The following DOT1L variants were observed in gnomAD, a reference collection of about 807,000 sequenced individuals.
The protein encoded by DOT1L is DOT1 like histone lysine methyltransferase.
DOT1L carries 33 observed loss-of-function variants against 153.3 expected under a neutral mutation model. The ratio of observed to expected loss-of-function variants is 0.22; its 90% CI spans 0.16 to 0.29. The LOEUF (loss-of-function observed/expected upper bound fraction) is 0.29, where lower values mean the gene tolerates loss of function less well. Among genes scored for constraint, DOT1L ranks in the 10% least tolerant of loss-of-function variants. The pLI is 1.00. For missense variants in DOT1L, 1,847 were observed against 2,119.9 expected (o/e 0.87, Z 2.53); for synonymous variants, 1,135 against 965.1 (o/e 1.18, Z -3.26).
At position 2,217,133 on chromosome 19, in the gene DOT1L, G is replaced by A. The variant is rs1234689869; in HGVS notation, c.2544+43G>A. On this transcript the variant is annotated intron_variant, in intron 21 of 27. Transcript: ENST00000398665. The surrounding 1 kb of genome is among the most constrained non-coding windows in gnomAD (Gnocchi z 7.3). ...TGCCCCGGGCTCAGGGAGGTGCTCA[G>A]CAGAGGCGGCCTGAGCGAGTTGCTA... 6.5e-7 allele frequency: 1 copy of A among 1,534,734 alleles called. No individual in the cohort carries two copies.
chr19:2,196,870 C>T (rs1284459328), intron 7 of DOT1L, among the ~76,000 whole-genome samples: 1 of 152,186 alleles, frequency 6.6e-6, no homozygotes, highest in East Asian at 1.9e-4. Context: ...CGTGTGGATG[C>T]TCTCCCTCGG....
At position 2,213,921 on chromosome 19, in the gene DOT1L, C is replaced by T. The variant is rs763254970; in HGVS notation, c.1732C>T (p.Leu578=). ...GGAGATCTCCGCCCATAACCAGCAGCTGCGGGAGCAGTCGGAGCAGCTGGA... is the reference window on the plus strand; with the variant it reads ...GGAGATCTCCGCCCATAACCAGCAGTTGCGGGAGCAGTCGGAGCAGCTGGA... ...QKEISAHNQQ[L]REQSEQLEQD... The change falls in exon 18 of 28, where the codon CTG becomes TTG. Residue 578 remains leucine (L), a synonymous_variant. Transcript: ENST00000398665. 2 of 1,613,102 alleles carry T rather than the reference C, an allele frequency of 1.2e-6. No individual in the cohort carries two copies. The highest frequency in any genetic ancestry group is 1.7e-6 in the Non-Finnish European group (2 of 1,180,040).
In DOT1L at chr19:2,204,735, A is replaced by G. The variant is rs1478167237; in HGVS notation, c.787+1956A>G. On this transcript the variant is annotated intron_variant, in intron 9 of 27. Transcript: ENST00000398665. The surrounding 1 kb of genome is among the most constrained non-coding windows in gnomAD (Gnocchi z 5.7). The stretch of plus-strand genomic sequence containing the variant: ...GGCCTTGATGGTCCCAGACATGCCC[A>G]TGAGCATTTGTTAGCCTGGCTCTGC... Among the ~76,000 whole-genome samples, 1 of 152,178 alleles carries G rather than the reference A, an allele frequency of 6.6e-6. No individual in the cohort carries two copies. Among genetic ancestry groups the G allele is most frequent in the East Asian group, 1.9e-4 (1 of 5,188 alleles).
At chr19:2,226,064 T>C in intron 26 of DOT1L, 119 bp from the exon 27 acceptor site, 1 of 1,132,400 alleles carries the variant, frequency 8.8e-7, no homozygotes, top group Non-Finnish European at 1.2e-6. Context: ...GCATCTTGAG[T>C]GTCTGTGACC....
rs781027157 is a variant in DOT1L, at chr19:2,191,250, G to A, written c.493+10G>A. The A allele has an allele frequency of 1.2e-5, 20 of 1,609,770 alleles. No individual in the cohort carries two copies. The highest frequency in any genetic ancestry group is 1.2e-4 in the African/African-American group (9 of 74,856). ...GTGGACTTGGGGAGCGGTGAGTGTC[G>A]CCCGCCATGCCCGGCTCCTGTGCAC... On this transcript the variant is annotated intron_variant, in intron 5 of 27. Transcript: ENST00000398665. The surrounding 1 kb of genome is among the most constrained non-coding windows in gnomAD (Gnocchi z 6.8).
Position 2,217,866 on chromosome 19 carries a change from C to T in DOT1L, c.2639C>T (p.Pro880Leu), listed in dbSNP as rs1464303651. The T allele has an allele frequency of 5.0e-6, 8 of 1,612,354 alleles. No homozygotes were observed. Among genetic ancestry groups the T allele is most frequent in the South Asian group, 1.1e-5 (1 of 90,892 alleles). ...AGCACCGTGCAGCCCAACAAGCTCC[C>T]GGTCAGCATTCCCCTGGCCAGCGTG... Reference protein sequence around the residue: ...PLSTVQPNKLPVSIPLASVVL... With the variant: ...PLSTVQPNKLLVSIPLASVVL... Residue 880 changes from proline (P) to leucine (L), a missense_variant, in exon 22 of 28, where the codon CCG (proline) becomes CTG (leucine). Pro to Leu is a moderately conservative substitution (Grantham distance 98, BLOSUM62 -3). This residue lies in a region of DOT1L where 18 missense variants were observed against 58.1 expected (regional missense o/e 0.31). Coordinates refer to ENST00000398665, the MANE Select transcript of DOT1L (RefSeq NM_032482.3). The surrounding 1 kb of genome is among the most constrained non-coding windows in gnomAD (Gnocchi z 7.3).
intron 14 of DOT1L, 91 bp from the exon 15 acceptor site, chr19:2,211,008 A>T (rs2023691415): frequency 1.4e-6 from 2 of 1,472,822 alleles, no homozygotes; most frequent in East Asian, 2.3e-5. Context: ...CCCCATCCTA[A>T]GGGGTTGCTG....
At chr19:2,170,579 G>A (rs2021561717) in intron 1 of DOT1L, among the ~76,000 whole-genome samples, 1 of 152,130 alleles carries the variant, frequency 6.6e-6, no homozygotes, top group East Asian at 1.9e-4. Context: ...CACAGGCTCA[G>A]ATCCCACGGG....
In DOT1L at chr19:2,230,033, AT is replaced by A; in HGVS notation, c.*245del. On this transcript the variant is annotated 3_prime_UTR_variant, in exon 28 of 28. Transcript: ENST00000398665. Reference sequence around the variant, plus strand: ...TAAAAAGTATAAACAATTCTGACTTATTTTATTCCATCTAAGTGGTAAAAGG... The same window carrying A: ...TAAAAAGTATAAACAATTCTGACTTATTTATTCCATCTAAGTGGTAAAAGG... 3.1e-6 allele frequency: 2 copies of A among 644,212 alleles called. No individual in the cohort carries two copies. The highest frequency in any genetic ancestry group is 5.2e-6 in the Non-Finnish European group (2 of 385,302). 39.9% of individuals were successfully genotyped at this position (644,212 alleles called of 1,614,324 possible).
intron 1 of DOT1L, among the ~76,000 whole-genome samples, chr19:2,179,011 C>T (rs1443576635): frequency 6.6e-6 from 1 of 152,168 alleles, no homozygotes; most frequent in African/African-American, 2.4e-5. Flanking sequence ...CCATCATTGC[C>T]ATGAGCCCTT....
At chr19:2,174,954 A>ATGTGTGTGTG (rs2021839035) in intron 1 of DOT1L, among the ~76,000 whole-genome samples, 1 of 110,934 alleles carries the variant, frequency 9.0e-6, no homozygotes. Context: ...AAGTTTTTAA[A>ATGTGTGTGTG]TATATGTGTG....
chr19:2,214,399 CT>C, intron 18 of DOT1L, 71 bp from the exon 19 acceptor site: 1 of 1,576,428 alleles, frequency 6.3e-7, no homozygotes, highest in Non-Finnish European at 8.6e-7. Flanking sequence ...CCAGGGAACC[CT>C]GCCCTGAGAG....
intron 23 of DOT1L, 30 bp from the exon 24 acceptor site, chr19:2,221,946 C>T (rs1170990475): frequency 6.4e-7 from 1 of 1,562,020 alleles, no homozygotes; most frequent in South Asian, 1.2e-5. Flanking sequence ...CATCCTGTGT[C>T]CCCTGAGACC....
rs774295486 is a variant in DOT1L at position 2,213,841 on chromosome 19, G to A, written c.1660-8G>A. 3 of 1,613,026 alleles carry A rather than the reference G, an allele frequency of 1.9e-6. No homozygotes were observed. Among genetic ancestry groups the A allele is most frequent in the East Asian group, 2.2e-5 (1 of 44,886 alleles). ...CAGCATGACCTCTCCCCCGCCCCAT[G>A]TCCCCAGCTGGGTGTGAAGGCGCTG... is the stretch of plus-strand genomic sequence containing the variant. On this transcript the variant is annotated splice_polypyrimidine_tract_variant and splice_region_variant and intron_variant, in intron 17 of 27. Coordinates refer to ENST00000398665, the MANE Select transcript of DOT1L (RefSeq NM_032482.3).
chr19:2,188,847 C>G (rs932660369), intron 3 of DOT1L, among the ~76,000 whole-genome samples: 1 of 152,220 alleles, frequency 6.6e-6, no homozygotes, highest in Non-Finnish European at 1.5e-5. Context: ...GCAGGCTTGC[C>G]CCCACCCCGG....
chr19:2,231,945 G>A lies in DOT1L; in HGVS notation c.*2153G>A, dbSNP rs1490709553. ...TCTCCTTGAGCCCACTGGGTCATAT[G>A]CGTGTCACCACACGTGAACTAGTGT... On this transcript the variant is annotated 3_prime_UTR_variant, in exon 28 of 28. Coordinates refer to ENST00000398665, the MANE Select transcript of DOT1L (RefSeq NM_032482.3). 1 of 213,938 alleles carries A rather than the reference G, an allele frequency of 4.7e-6. No individual in the cohort carries two copies. The highest frequency in any genetic ancestry group is 2.3e-5 in the African/African-American group (1 of 44,142). The allele number at this position is 213,938 out of a possible 1,614,324, so 13.3% of individuals were successfully genotyped here.
At chr19:2,225,218 C>T (rs2024277071) in intron 25 of DOT1L, among the ~76,000 whole-genome samples, 170 bp from the exon 26 acceptor site, 1 of 152,122 alleles carries the variant, frequency 6.6e-6, no homozygotes, top group Non-Finnish European at 1.5e-5. Context: ...TCCCAGGGCC[C>T]AGCCACCCAG....
chr19:2,211,969 C>G, intron 16 of DOT1L, 127 bp downstream of exon 16: 1 of 823,646 alleles, frequency 1.2e-6, no homozygotes, highest in Non-Finnish European at 1.8e-6. Context: ...CCTCTGCTCA[C>G]CTGCTGCGAG....
chr19:2,229,480 C>T (rs1316388942), intron 27 of DOT1L: 2 of 985,350 alleles, frequency 2.0e-6, no homozygotes, highest in South Asian at 4.7e-5. Context: ...GCTGGACAAG[C>T]TATGCTGGGT....
Sources: allele counts gnomAD v4.1 joint callset (sites outside exome capture counted in the v4.1 genomes callset), GRCh38; gene constraint gnomAD v4.1.1; regional missense constraint gnomAD v4.1.1; non-coding constraint Gnocchi (gnomAD v3.1); transcripts MANE v1.5; gene names NCBI Gene and HGNC (gene_info 2026-07-23, HGNC 2026-07-21).